The following TGM6 variants were observed in gnomAD, a reference collection of about 807,000 sequenced individuals.
TGM6 encodes the protein transglutaminase 6.
TGM6 carries 74 observed loss-of-function variants against 77.5 expected under a neutral mutation model. The ratio of observed to expected loss-of-function variants is 0.96; its 90% confidence interval spans 0.79 to 1.16. The LOEUF is 1.16. Ranked by LOEUF, TGM6 falls within the 50% of genes most tolerant of loss-of-function variation. The pLI, the probability that TGM6 is intolerant of heterozygous loss-of-function variation, is 0.00. For missense variants in TGM6, 968 were observed against 940.2 expected (o/e 1.03, Z -0.39); for synonymous variants, 383 against 378.9 (o/e 1.01, Z -0.12).
chr20:2,384,930 G>A (rs1331351943), intron 1 of TGM6, among the ~76,000 whole-genome samples: 10 of 147,630 alleles, frequency 6.8e-5, no homozygotes, highest in Admixed American at 6.3e-4. Flanking sequence ...TACCCCAAGG[G>A]TGAAGGCCCC....
rs184766449 is a variant in TGM6 at position 2,432,209 on chromosome 20, C to T, written c.1968-281C>T. 1.6e-3 allele frequency among the ~76,000 whole-genome samples: 249 copies of T among 151,998 alleles called. 1 individual carries two copies. Among genetic ancestry groups the T allele is most frequent in the South Asian group, 9.8e-3 (47 of 4,796 alleles). On this transcript the variant is annotated intron_variant, in intron 12 of 12. Transcript: ENST00000202625. ...GATTACAGGTGTGCACCACTGCACC[C>T]GGCTAATTTTTGTATTTTAGTAGAG... is the stretch of plus-strand genomic sequence containing the variant.
intron 10 of TGM6, among the ~76,000 whole-genome samples, chr20:2,425,108 A>G (rs897318058): frequency 6.6e-6 from 1 of 152,306 alleles, no homozygotes; most frequent in South Asian, 2.1e-4. Flanking sequence ...TTGGAGGCCA[A>G]AGTGAGAGAA....
rs2084588139 is a variant in TGM6 at position 2,385,466 on chromosome 20, A to C, written c.7+4491A>C. On this transcript the variant is annotated intron_variant, in intron 1 of 12. Coordinates refer to ENST00000202625, the MANE Select transcript of TGM6 (RefSeq NM_198994.3). The stretch of plus-strand genomic sequence containing the variant: ...CTTCAGCAAACCACAGACTATCCAA[A>C]CCATCAGATTCCTTCTGGGTCATTT... Among the ~76,000 whole-genome samples the C allele has an allele frequency of 2.0e-5, 3 of 152,048 alleles. No individual in the cohort carries two copies. The South Asian group carries it at 6.2e-4, about 32-fold the overall frequency.
intron 1 of TGM6, 40 bp downstream of exon 1, chr20:2,381,015 C>T (rs2084550845): frequency 1.2e-6 from 2 of 1,606,298 alleles, no homozygotes; most frequent in Non-Finnish European, 1.7e-6. Flanking sequence ...CACCAGGGCT[C>T]ATGAGGGGGG....
At chr20:2,400,851 A>G (rs1035909571) in intron 7 of TGM6, among the ~76,000 whole-genome samples, 16 of 151,986 alleles carry the variant, frequency 1.1e-4, no homozygotes, top group Non-Finnish European at 1.5e-5. Context: ...TCCTTAGCTA[A>G]AACAAAATTC....
intron 2 of TGM6, 102 bp from the exon 3 acceptor site, chr20:2,395,092 C>T (rs2084654047): frequency 1.9e-6 from 3 of 1,540,840 alleles, no homozygotes; most frequent in Non-Finnish European, 2.6e-6. Context: ...CCCAGAAGTT[C>T]AGGGGGTGAA....
chr20:2,431,694 C>T (rs1029551793), intron 12 of TGM6, among the ~76,000 whole-genome samples: 2 of 152,132 alleles, frequency 1.3e-5, no homozygotes, highest in African/African-American at 4.8e-5. Flanking sequence ...CAAAAGCAGC[C>T]CTTAAGTGAG....
intron 9 of TGM6, among the ~76,000 whole-genome samples, chr20:2,415,168 G>A (rs1202920114): frequency 1.3e-5 from 2 of 152,148 alleles, no homozygotes; most frequent in Admixed American, 1.3e-4. Context: ...AAAATATATT[G>A]TACAGTAGCA....
intron 10 of TGM6, among the ~76,000 whole-genome samples, chr20:2,420,091 A>C (rs956992716): frequency 6.6e-6 from 1 of 152,082 alleles, no homozygotes; most frequent in African/African-American, 2.4e-5. Flanking sequence ...AAAAATACAA[A>C]AAAATTAGCC....
intron 9 of TGM6, among the ~76,000 whole-genome samples, chr20:2,410,258 A>G (rs1457080717): frequency 6.6e-6 from 1 of 152,160 alleles, no homozygotes; most frequent in East Asian, 1.9e-4. Flanking sequence ...AGTCATGCCT[A>G]TGTAATGAAA....
chr20:2,400,256 C>T, intron 6 of TGM6, 50 bp from the exon 7 acceptor site: 2 of 1,612,136 alleles, frequency 1.2e-6, no homozygotes, highest in Admixed American at 1.7e-5. Context: ...AGCCAGGCCC[C>T]TCTCTCAGGG....
intron 1 of TGM6, among the ~76,000 whole-genome samples, chr20:2,393,081 C>A (rs1350675368): frequency 6.6e-6 from 1 of 152,216 alleles, no homozygotes; most frequent in Non-Finnish European, 1.5e-5. Context: ...AGAGATTATA[C>A]AGTCCATCCT....
At chr20:2,398,500 C>G (rs562167663) in intron 5 of TGM6, among the ~76,000 whole-genome samples, 7 of 151,642 alleles carry the variant, frequency 4.6e-5, no homozygotes, top group African/African-American at 1.7e-4. Context: ...TCTACACAAC[C>G]TTTCCATGTG....
chr20:2,388,632 A>C lies in TGM6; in HGVS notation c.8-5820A>C, dbSNP rs370768814. ...AATTAAAAACAAACAAACAAACAAA[A>C]AAAAACAGGCTGTGTAACTCTGTAC... On this transcript the variant is annotated intron_variant, in intron 1 of 12. Coordinates refer to ENST00000202625, the MANE Select transcript of TGM6 (RefSeq NM_198994.3). Among the ~76,000 whole-genome samples the C allele has an allele frequency of 1.3e-4, 20 of 151,856 alleles. No individual in the cohort carries two copies. The East Asian group carries it at 1.4e-3, about 10-fold the overall frequency.
At chr20:2,419,212 C>A (rs997243081) in intron 10 of TGM6, among the ~76,000 whole-genome samples, 4 of 152,060 alleles carry the variant, frequency 2.6e-5, no homozygotes, top group African/African-American at 4.8e-5. Context: ...GTCTCTCTAT[C>A]TCTCTCAGTC....
At chr20:2,385,363 G>A (rs948489033) in intron 1 of TGM6, among the ~76,000 whole-genome samples, 2 of 152,236 alleles carry the variant, frequency 1.3e-5, no homozygotes, top group South Asian at 2.1e-4. Context: ...GGCTGGGGAG[G>A]GGGGAGGTGT....
At chr20:2,388,002 G>A (rs183079728) in intron 1 of TGM6, among the ~76,000 whole-genome samples, 21 of 152,300 alleles carry the variant, frequency 1.4e-4, no homozygotes, top group African/African-American at 5.1e-4. Flanking sequence ...TGGGTTCTAA[G>A]AGCAAGCAAC....
rs550641274 is a variant in TGM6 at position 2,416,205 on chromosome 20, C to T, written c.1337-1027C>T. On this transcript the variant is annotated intron_variant, in intron 9 of 12. Transcript: ENST00000202625. Reference sequence around the variant, plus strand: ...ATAGGCAGTATGCCCAGCATAGCAGCTCTGAGTGACAGAGTGAGATCCTGT... The same window carrying T: ...ATAGGCAGTATGCCCAGCATAGCAGTTCTGAGTGACAGAGTGAGATCCTGT... Among the ~76,000 whole-genome samples the T allele has an allele frequency of 2.6e-5, 4 of 152,270 alleles. No individual in the cohort carries two copies. The South Asian group carries it at 6.2e-4, about 24-fold the overall frequency.
intron 10 of TGM6, among the ~76,000 whole-genome samples, chr20:2,421,969 T>C (rs1398696028): frequency 6.6e-6 from 1 of 151,998 alleles, no homozygotes; most frequent in Non-Finnish European, 1.5e-5. Context: ...TCATCTCTAC[T>C]AAAAACACAA....
Sources: gnomAD v4.1 joint callset for allele counts (sites outside exome capture counted in the v4.1 genomes callset) on GRCh38, gnomAD v4.1.1 for gene constraint, MANE v1.5 for transcripts, NCBI Gene and HGNC (gene_info 2026-07-23, HGNC 2026-07-21) for gene names.